Variants in KAZN observed in about 807,000 individuals in gnomAD.
KAZN encodes kazrin.
Under a neutral mutation model 87.4 loss-of-function variants are expected in KAZN, and 40 were observed. The observed-to-expected ratio is 0.46, with a 90% CI of 0.36 to 0.60. The LOEUF is 0.60. Among genes scored for constraint, KAZN ranks in the 20% least tolerant of loss-of-function variants. KAZN has a pLI of 0.00. For missense variants in KAZN, 898 were observed against 1,073.9 expected, an observed-to-expected ratio of 0.84 and a Z score of 2.29; for synonymous variants, 466 against 458.3, an observed-to-expected ratio of 1.02 and a Z score of -0.22.
intron 2 of KAZN, among the ~76,000 whole-genome samples, chr1:14,338,506 G>A (rs67595814): frequency 0.019 from 2,044 of 106,546 alleles, 60 homozygotes; most frequent in African/African-American, 0.067. Flanking sequence ...AAAAAAAAAA[G>A]AGAGAGAGAG....
At chr1:14,810,517 CA>C (rs1416100804) in intron 1 of KAZN, among the ~76,000 whole-genome samples, 1 of 152,040 alleles carries the variant, frequency 6.6e-6, no homozygotes, top group Non-Finnish European at 1.5e-5. Context: ...CAGAGATTCC[CA>C]AAAGGAATAC....
intron 2 of KAZN, among the ~76,000 whole-genome samples, chr1:14,577,066 G>C (rs902276796): frequency 1.3e-5 from 2 of 152,146 alleles, no homozygotes; most frequent in Non-Finnish European, 2.9e-5. Flanking sequence ...GAGGAATCTG[G>C]TTAGAAACCA....
At chr1:14,540,926 C>T (rs946788783) in intron 2 of KAZN, among the ~76,000 whole-genome samples, 1 of 152,066 alleles carries the variant, frequency 6.6e-6, no homozygotes, top group African/African-American at 2.4e-5. Context: ...CAGTCCTGTC[C>T]CTTCTTCATT....
intron 1 of KAZN, among the ~76,000 whole-genome samples, chr1:13,905,566 T>A (rs1203705): frequency 0.6 from 90,880 of 152,066 alleles, 28,784 homozygotes; most frequent in African/African-American, 0.82. Flanking sequence ...TTCCCTGATG[T>A]CGAGCCCTCT....
intron 2 of KAZN, among the ~76,000 whole-genome samples, chr1:14,477,576 C>G (rs1193738356): frequency 6.6e-6 from 1 of 152,070 alleles, no homozygotes; most frequent in Non-Finnish European, 1.5e-5. Context: ...TCTTCTGATT[C>G]CCTCGGGGCT....
chr1:14,261,997 T>A (rs933894427), intron 2 of KAZN, among the ~76,000 whole-genome samples: 3 of 152,158 alleles, frequency 2.0e-5, no homozygotes, highest in Non-Finnish European at 2.9e-5. Flanking sequence ...AGAAGAACCC[T>A]GAGATTTTAA....
chr1:15,102,189 C>A (rs57091990), intron 11 of KAZN, among the ~76,000 whole-genome samples: 3,028 of 152,096 alleles, frequency 0.02, 107 homozygotes, highest in African/African-American at 0.069. Context: ...AGAAGATATA[C>A]CTACTATGTA....
At chr1:14,461,637 C>T (rs765977777) in intron 2 of KAZN, among the ~76,000 whole-genome samples, 2 of 152,160 alleles carry the variant, frequency 1.3e-5, no homozygotes, top group Non-Finnish European at 2.9e-5. Flanking sequence ...AGTTTATTTG[C>T]TTCCCTCTTC....
At chr1:14,369,932 G>A (rs1446309854) in intron 2 of KAZN, among the ~76,000 whole-genome samples, 8 of 152,196 alleles carry the variant, frequency 5.3e-5, no homozygotes, top group East Asian at 1.9e-4. Context: ...AGAAACAACT[G>A]GCTCTAACAC....
chr1:14,770,597 G>A (rs922750946), intron 1 of KAZN, among the ~76,000 whole-genome samples: 3 of 152,090 alleles, frequency 2.0e-5, no homozygotes, highest in Admixed American at 1.3e-4. Context: ...CATACACCAC[G>A]GCAGCCCTGG....
chr1:14,697,966 T>C (rs1006475693), intron 1 of KAZN, among the ~76,000 whole-genome samples: 1 of 152,070 alleles, frequency 6.6e-6, no homozygotes, highest in African/African-American at 2.4e-5. Context: ...GAAATGGGGA[T>C]CACTGAGGTA....
intron 1 of KAZN, among the ~76,000 whole-genome samples, chr1:13,972,483 T>C (rs1642175559): frequency 6.6e-6 from 1 of 152,196 alleles, no homozygotes; most frequent in African/African-American, 2.4e-5. Context: ...GCCAGTGTTC[T>C]GTGCTGCCAG....
intron 1 of KAZN, among the ~76,000 whole-genome samples, chr1:14,617,995 G>A (rs1214681870): frequency 6.6e-6 from 1 of 152,224 alleles, no homozygotes; most frequent in Non-Finnish European, 1.5e-5. Context: ...CTCCCTGGGA[G>A]AGGGAGCCCC....
At chr1:14,209,634 T>C (rs16853794) in intron 2 of KAZN, among the ~76,000 whole-genome samples, 15,633 of 152,260 alleles carry the variant, frequency 0.1, 1,747 homozygotes, top group African/African-American at 0.27. Flanking sequence ...ATAAATTTAC[T>C]ACTAACAATT....
chr1:14,637,589 A>G (rs1270218182), intron 1 of KAZN, among the ~76,000 whole-genome samples: 1 of 151,992 alleles, frequency 6.6e-6, no homozygotes, highest in African/African-American at 2.4e-5. Context: ...CAGCTACCAA[A>G]GATTCTGGTT....
At chr1:14,506,420 T>C (rs534864960) in intron 2 of KAZN, among the ~76,000 whole-genome samples, 1 of 152,350 alleles carries the variant, frequency 6.6e-6, no homozygotes, top group African/African-American at 2.4e-5. Context: ...TTTATACCTT[T>C]GTCTCTCCCA....
At chr1:14,192,819 A>G (rs1046416094) in intron 2 of KAZN, among the ~76,000 whole-genome samples, 4 of 152,208 alleles carry the variant, frequency 2.6e-5, no homozygotes, top group Non-Finnish European at 5.9e-5. Flanking sequence ...CATCTTCAAG[A>G]ATAGCTATGT....
At chr1:14,431,743 G>A (rs796286232) in intron 2 of KAZN, among the ~76,000 whole-genome samples, 56 of 152,180 alleles carry the variant, frequency 3.7e-4, no homozygotes, top group African/African-American at 1.3e-3. Flanking sequence ...TAGACTCCAG[G>A]GTCTTCAGCC....
chr1:13,933,426 A>C (rs1035763357), intron 1 of KAZN, among the ~76,000 whole-genome samples: 3 of 152,092 alleles, frequency 2.0e-5, no homozygotes, highest in Admixed American at 1.3e-4. Context: ...CGGGAGACGG[A>C]GGTTGTGGCG....
Sources: gnomAD v4.1 joint callset for allele counts (sites outside exome capture counted in the v4.1 genomes callset) on GRCh38, gnomAD v4.1.1 for gene constraint, MANE v1.5 for transcripts, NCBI Gene and HGNC (gene_info 2026-07-23, HGNC 2026-07-21) for gene names.